CASP10: variants seen among roughly 807,000 people sequenced by gnomAD.
The protein encoded by CASP10 is caspase-10.
In CASP10, 41 loss-of-function variants were observed where a neutral mutation model predicts 48.5. The ratio of observed to expected loss-of-function variants is 0.85; its 90% CI spans 0.66 to 1.10. The LOEUF is 1.10. CASP10 is among the 50% of genes least tolerant of loss of function. The pLI, the probability that CASP10 is intolerant of heterozygous loss-of-function variation, is 0.00. For synonymous variants in CASP10, 232 were observed against 238.4 expected (o/e 0.97, Z 0.25); for missense variants, 614 against 614.5 (o/e 1.00, Z 0.01).
Position 201,219,365 on chromosome 2 carries a change from T to A in CASP10, c.*1624T>A. 1 of 835,900 alleles carries A rather than the reference T, an allele frequency of 1.2e-6. No individual in the cohort carries two copies. The highest frequency in any genetic ancestry group is 1.8e-5 in the African/African-American group (1 of 54,280). 51.8% of individuals were successfully genotyped at this position (835,900 alleles called of 1,614,324 possible). A position where few individuals can be genotyped will look rare whatever the true frequency, so the allele number is the denominator to read the frequency against. ...GAAGCAAAGAAGGGAATTTATTGCC[T>A]CTTTCACATTGAAACCCAGGAGTGG... On this transcript the variant is annotated 3_prime_UTR_variant, in exon 10 of 10. Transcript: ENST00000286186.
At chr2:201,183,872 A>ACC (rs1944317202) in intron 1 of CASP10, among the ~76,000 whole-genome samples, 1 of 151,174 alleles carries the variant, frequency 6.6e-6, no homozygotes, top group African/African-American at 2.4e-5. Flanking sequence ...TTATTTATTT[A>ACC]TTTATTTATT....
At position 201,210,642 on chromosome 2, in the gene CASP10, C is replaced by T. The variant is rs190895182; in HGVS notation, c.1415+1080C>T. ...GCTTTTCTCTCTTCTTTACCAGCCC[C>T]TCCATTCTCATCACAGACATCAGAG... On this transcript the variant is annotated intron_variant, in intron 9 of 9. Coordinates refer to ENST00000286186, the MANE Select transcript of CASP10 (RefSeq NM_032977.4). Among the ~76,000 whole-genome samples the T allele has an allele frequency of 5.6e-4, 85 of 152,240 alleles. No individual in the cohort carries two copies. In the East Asian group the frequency reaches 0.015, roughly 28 times the overall value.
At chr2:201,193,212 G>C in intron 4 of CASP10, 93 bp downstream of exon 4, 2 of 1,385,938 alleles carry the variant, frequency 1.4e-6, no homozygotes, top group East Asian at 4.9e-5. Context: ...GTTTTGTTTT[G>C]TTTTGTTTTG....
Position 201,216,192 on chromosome 2 carries a change from AAAT to A in CASP10, c.1416-1391_1416-1389del, listed in dbSNP as rs1352024120. Among the ~76,000 whole-genome samples, 6 of 150,286 alleles carry A rather than the reference AAAT, an allele frequency of 4.0e-5. No homozygotes were observed. In the East Asian group the frequency reaches 9.7e-4, roughly 24 times the overall value. On this transcript the variant is annotated intron_variant, in intron 9 of 9. Transcript: ENST00000286186. ...TTCAATTATTATTTAATATTAATTT[AAAT>A]AATATTTAAATTAATAAGAAAAAAT... is the stretch of plus-strand genomic sequence containing the variant.
At position 201,218,796 on chromosome 2, in the gene CASP10, C is replaced by G; in HGVS notation, c.*1055C>G. The G allele has an allele frequency of 1.0e-6, 1 of 985,496 alleles. No homozygotes were observed. Among genetic ancestry groups the G allele is most frequent in the Non-Finnish European group, 1.2e-6 (1 of 829,980 alleles). The allele number at this position is 985,496 out of a possible 1,614,324, so 61.0% of individuals were successfully genotyped here. ...TGATCTCCCCCTTCCTAAGACTTCT[C>G]TTTTGCACATCTAGTGAGGTGAAAA... is the stretch of plus-strand genomic sequence containing the variant. On this transcript the variant is annotated 3_prime_UTR_variant, in exon 10 of 10. Coordinates refer to ENST00000286186, the MANE Select transcript of CASP10 (RefSeq NM_032977.4).
intron 9 of CASP10, among the ~76,000 whole-genome samples, chr2:201,210,571 A>G (rs940820237): frequency 6.6e-6 from 1 of 152,204 alleles, no homozygotes; most frequent in African/African-American, 2.4e-5. Context: ...AGGAATGGCC[A>G]TAGTGCTCTT....
chr2:201,209,667 C>T (rs1945332702), intron 9 of CASP10, 105 bp downstream of exon 9: 1 of 1,207,466 alleles, frequency 8.3e-7, no homozygotes, highest in Non-Finnish European at 1.1e-6. Context: ...CTACGTTGTT[C>T]TATCCATGTA....
intron 5 of CASP10, among the ~76,000 whole-genome samples, chr2:201,197,335 C>T (rs550587624): frequency 6.6e-4 from 100 of 152,184 alleles, no homozygotes; most frequent in Middle Eastern, 3.4e-3. Context: ...CAAGAGTTGG[C>T]CAGGCATGGT....
chr2:201,189,126 C>T (rs1944518285), intron 3 of CASP10, among the ~76,000 whole-genome samples: 1 of 152,074 alleles, frequency 6.6e-6, no homozygotes, highest in African/African-American at 2.4e-5. Context: ...CCCGTCTCGG[C>T]CTCCCAAAGT....
chr2:201,210,271 C>T (rs1945352559), intron 9 of CASP10, among the ~76,000 whole-genome samples: 1 of 152,202 alleles, frequency 6.6e-6, no homozygotes, highest in Admixed American at 6.5e-5. Flanking sequence ...CCATGGGCTC[C>T]TCCATGAAAA....
chr2:201,193,510 T>C (rs1461614130), intron 4 of CASP10: 1 of 256,558 alleles, frequency 3.9e-6, no homozygotes, highest in Non-Finnish European at 7.8e-6. Flanking sequence ...GCCTGGCCCG[T>C]GCATGATGTT....
intron 4 of CASP10, among the ~76,000 whole-genome samples, chr2:201,194,054 C>T (rs1460751556): frequency 1.3e-5 from 2 of 151,902 alleles, no homozygotes; most frequent in African/African-American, 2.4e-5. Flanking sequence ...TTCACATTCT[C>T]AGAAACTACT....
chr2:201,194,062 A>G (rs1944705003), intron 4 of CASP10, among the ~76,000 whole-genome samples: 1 of 151,406 alleles, frequency 6.6e-6, no homozygotes. Flanking sequence ...CTCAGAAACT[A>G]CTATCAAAAA....
chr2:201,192,327 G>T (rs1944638540), intron 3 of CASP10, among the ~76,000 whole-genome samples: 1 of 152,078 alleles, frequency 6.6e-6, no homozygotes, highest in African/African-American at 2.4e-5. Flanking sequence ...GGAGGTGGAG[G>T]TTGCTTTGAG....
downstream of CASP10, among the ~76,000 whole-genome samples, chr2:201,222,365 C>T (rs937412549): frequency 2.0e-5 from 3 of 151,976 alleles, no homozygotes; most frequent in Admixed American, 2.0e-4. Context: ...TACAGGTGTG[C>T]ACCACCATGC....
At chr2:201,189,740 G>A (rs766368785) in intron 3 of CASP10, among the ~76,000 whole-genome samples, 2 of 152,184 alleles carry the variant, frequency 1.3e-5, no homozygotes, top group Non-Finnish European at 2.9e-5. Context: ...GCTCATGCCT[G>A]TAATCCCAGC....
chr2:201,193,017 CA>C lies in CASP10; in HGVS notation c.477del (p.Gly160ValfsTer3), dbSNP rs766461320. 16 of 1,613,476 alleles carry C rather than the reference CA, an allele frequency of 9.9e-6. No homozygotes were observed. The Admixed American group carries it at 2.7e-4, about 27-fold the overall frequency. On this transcript the variant is annotated frameshift_variant, in exon 4 of 10. Transcript: ENST00000286186. LOFTEE classifies it high-confidence loss of function. ...AAGTTTCCTGGCATTTCTAGAGAAA[CA>C]AGGTAAAATAGATGAAGATAATCTG... is the stretch of plus-strand genomic sequence containing the variant. ...SLSFLAFLEK[Q>X]GKIDEDNLTC...
chr2:201,226,697 A>T lies in CASP10; in HGVS notation c.1416-2236A>T, dbSNP rs553450637. Among the ~76,000 whole-genome samples, 792 of 152,182 alleles carry T rather than the reference A, an allele frequency of 5.2e-3. 9 individuals carry two copies. The highest frequency in any genetic ancestry group is 0.018 in the African/African-American group (737 of 41,522). On this transcript the variant is annotated intron_variant, in intron 9 of 9. Coordinates refer to the CASP10 transcript ENST00000272879. ...GCATTGTTTGTAAAAGTACAAAAAA[A>T]AAAATGAAAAGAAGCAACACAAACA...
At position 201,217,614 on chromosome 2, in the gene CASP10, C is replaced by T. The variant is rs1278568463; in HGVS notation, c.1442C>T (p.Thr481Ile). Residue 481 changes from threonine to isoleucine, a missense_variant, in exon 10 of 10, where the codon ACT (threonine) becomes ATT (isoleucine). Transcript: ENST00000286186. ...CATGAAGACATCTTATCCATCCTCA[C>T]TGCTGTCAACGATGATGTGAGTCGA... ...PRHEDILSIL[T>I]AVNDDVSRRV... is the part of the protein sequence containing the mutation. The T allele has an allele frequency of 1.2e-6, 2 of 1,614,026 alleles. No individual in the cohort carries two copies. The highest frequency in any genetic ancestry group is 1.7e-6 in the Non-Finnish European group (2 of 1,179,880).
Sources: gnomAD v4.1 joint callset for allele counts (sites outside exome capture counted in the v4.1 genomes callset) on GRCh38, gnomAD v4.1.1 for gene constraint, MANE v1.5 for transcripts, NCBI Gene and HGNC (gene_info 2026-07-23, HGNC 2026-07-21) for gene names.